The following TBL1X variants were observed in gnomAD, a reference collection of about 807,000 sequenced individuals.
TBL1X encodes transducin beta like 1 X-linked.
A neutral mutation model predicts 50.7 loss-of-function variants in TBL1X; 10 were observed. The ratio of observed to expected loss-of-function variants is 0.20; its 90% CI spans 0.12 to 0.33. TBL1X has a LOEUF of 0.33. TBL1X is among the 10% of genes least tolerant of loss of function. The probability of loss-of-function intolerance (pLI) is 1.00; values close to 1 mark genes in which losing one functional copy is unlikely to be tolerated. For synonymous variants in TBL1X, 190 were observed against 214.7 expected (o/e 0.88, Z 1.01); for missense variants, 340 against 504.4 (o/e 0.67, Z 3.12).
chrX:9,645,997 G>A (rs1244945793), intron 3 of TBL1X, among the ~76,000 whole-genome samples: 1 of 112,313 alleles, frequency 8.9e-6, no homozygotes, highest in African/African-American at 3.2e-5. Context: ...TCCTAGCTTC[G>A]CTGGGATTTA....
At position 9,535,819 on chromosome X, in the gene TBL1X, G is replaced by A. The variant is rs184670427; in HGVS notation, c.-131+33970G>A. On this transcript the variant is annotated intron_variant, in intron 2 of 17. Coordinates refer to ENST00000645353, the MANE Select transcript of TBL1X (RefSeq NM_005647.4). ...TGAGTTTTTAAAATGGAATTAGTGT[G>A]CATACGAGGAACAGAGTGACATTTA... is the stretch of plus-strand genomic sequence containing the variant. 7.1e-5 allele frequency among the ~76,000 whole-genome samples: 8 copies of A among 112,231 alleles called. No individual in the cohort carries two copies. In the East Asian group the frequency reaches 8.4e-4, roughly 12 times the overall value.
At chrX:9,543,511 G>A (rs1022863373) in intron 2 of TBL1X, among the ~76,000 whole-genome samples, 3 of 109,078 alleles carry the variant, frequency 2.8e-5, no homozygotes, top group African/African-American at 1.0e-4. Flanking sequence ...AACTCAATGG[G>A]GCATCCCAGC....
intron 1 of TBL1X, among the ~76,000 whole-genome samples, chrX:9,483,569 C>T (rs967327666): frequency 2.7e-5 from 3 of 111,322 alleles, no homozygotes; most frequent in African/African-American, 9.8e-5. Context: ...CAAGAGCTGA[C>T]CCTCCTCCCA....
intron 3 of TBL1X, among the ~76,000 whole-genome samples, chrX:9,646,914 G>T (rs1289955729): frequency 8.9e-6 from 1 of 111,962 alleles, no homozygotes; most frequent in Admixed American, 9.5e-5. Flanking sequence ...TTCAGAACAC[G>T]GCTGGCCTCT....
chrX:9,491,338 A>ATATATTTT (rs1328551249), intron 1 of TBL1X, among the ~76,000 whole-genome samples: 6 of 31,304 alleles, frequency 1.9e-4, no homozygotes, highest in South Asian at 1.6e-3. Context: ...ATATATATAT[A>ATATATTTT]TTTTTTTTTT....
intron 2 of TBL1X, among the ~76,000 whole-genome samples, chrX:9,542,581 G>A (rs899551022): frequency 5.4e-5 from 6 of 111,663 alleles, no homozygotes; most frequent in African/African-American, 1.3e-4. Flanking sequence ...GCCCCGCCTC[G>A]CACTTTGGAA....
intron 2 of TBL1X, among the ~76,000 whole-genome samples, chrX:9,550,539 C>T (rs952354867): frequency 8.0e-5 from 9 of 111,813 alleles, no homozygotes; most frequent in Non-Finnish European, 1.3e-4. Flanking sequence ...AAAATCATCT[C>T]GGTAGAATAT....
At chrX:9,632,795 G>A (rs1218935286) in intron 2 of TBL1X, among the ~76,000 whole-genome samples, 1 of 111,924 alleles carries the variant, frequency 8.9e-6, no homozygotes, top group Non-Finnish European at 1.9e-5. Flanking sequence ...ATGCAAACAC[G>A]GTTAGCTTGT....
chrX:9,562,351 AAAT>A (rs1451647885), intron 2 of TBL1X, among the ~76,000 whole-genome samples: 1 of 112,402 alleles, frequency 8.9e-6, no homozygotes, highest in African/African-American at 3.2e-5. Context: ...GCTGTAATTT[AAAT>A]AATAATAAGT....
chrX:9,542,622 T>G (rs1246164163), intron 2 of TBL1X, among the ~76,000 whole-genome samples: 1 of 110,510 alleles, frequency 9.0e-6, no homozygotes, highest in Non-Finnish European at 1.9e-5. Context: ...CAGCGTTGCC[T>G]TCGCAGCATG....
At chrX:9,491,386 G>A (rs1489532828) in intron 1 of TBL1X, among the ~76,000 whole-genome samples, 17 of 93,154 alleles carry the variant, frequency 1.8e-4, no homozygotes, top group Non-Finnish European at 3.1e-4. Flanking sequence ...TGTCATGCAG[G>A]CTGGAGTGTA....
chrX:9,616,559 T>A (rs2082640442), intron 2 of TBL1X, among the ~76,000 whole-genome samples: 1 of 111,821 alleles, frequency 8.9e-6, no homozygotes, highest in African/African-American at 3.2e-5. Flanking sequence ...CTCACGCAGG[T>A]TGAATGGAGT....
At chrX:9,535,769 A>G (rs992181862) in intron 2 of TBL1X, among the ~76,000 whole-genome samples, 3 of 112,170 alleles carry the variant, frequency 2.7e-5, no homozygotes, top group African/African-American at 9.7e-5. Context: ...TCTCTACTTG[A>G]TTACTCTGAA....
chrX:9,689,032 G>A (rs1163061083), intron 7 of TBL1X, among the ~76,000 whole-genome samples: 1 of 111,560 alleles, frequency 9.0e-6, no homozygotes, highest in Admixed American at 9.3e-5. Context: ...GTGTGCGTGT[G>A]TGCGTGCACG....
At chrX:9,469,812 C>T (rs1294487734) in intron 1 of TBL1X, among the ~76,000 whole-genome samples, 2 of 112,058 alleles carry the variant, frequency 1.8e-5, no homozygotes, top group African/African-American at 6.5e-5. Context: ...CAGCCATCTG[C>T]TCTGCTCTGG....
intron 2 of TBL1X, among the ~76,000 whole-genome samples, chrX:9,573,955 T>G (rs1255331748): frequency 2.7e-5 from 3 of 112,369 alleles, no homozygotes; most frequent in South Asian, 3.7e-4. Flanking sequence ...GAGACAGCAC[T>G]CCACCCTGCT....
At chrX:9,574,055 T>C (rs1192902604) in intron 2 of TBL1X, among the ~76,000 whole-genome samples, 1 of 110,734 alleles carries the variant, frequency 9.0e-6, no homozygotes, top group Non-Finnish European at 1.9e-5. Context: ...GGTAGTGGGG[T>C]AGAGTGGCTG....
intron 2 of TBL1X, among the ~76,000 whole-genome samples, chrX:9,537,593 G>A (rs1399293717): frequency 2.2e-5 from 2 of 89,054 alleles, no homozygotes; most frequent in Admixed American, 2.4e-4. Context: ...GTCCTTTTGC[G>A]TCTGGCTTAG....
chrX:9,667,731 C>G (rs1275931490), intron 5 of TBL1X, among the ~76,000 whole-genome samples: 1 of 111,759 alleles, frequency 8.9e-6, no homozygotes, highest in Non-Finnish European at 1.9e-5. Flanking sequence ...GAAAGAGATT[C>G]AGTTGGCTTC....
Sources: allele counts gnomAD v4.1 joint callset (sites outside exome capture counted in the v4.1 genomes callset), GRCh38; gene constraint gnomAD v4.1.1; transcripts MANE v1.5; gene names NCBI Gene and HGNC (gene_info 2026-07-23, HGNC 2026-07-21).